Variants in PRPF18 observed in about 807,000 individuals in gnomAD.
The protein encoded by PRPF18 is pre-mRNA processing factor 18.
PRPF18 carries 38 observed loss-of-function variants against 46.5 expected under a neutral mutation model. That is an observed-to-expected ratio of 0.82 (90% CI 0.63 to 1.07). The LOEUF (loss-of-function observed/expected upper bound fraction) is 1.07, where lower values mean the gene tolerates loss of function less well. PRPF18 is among the 50% of genes least tolerant of loss of function. The probability of loss-of-function intolerance (pLI) is 0.00; values close to 1 mark genes in which losing one functional copy is unlikely to be tolerated. For missense variants in PRPF18, 263 were observed against 410.0 expected, an observed-to-expected ratio of 0.64 and a Z score of 3.10; for synonymous variants, 152 against 146.7, an observed-to-expected ratio of 1.04 and a Z score of -0.26.
chr10:13,634,043 G>C (rs1333030499), downstream of PRPF18, among the ~76,000 whole-genome samples: 1 of 152,192 alleles, frequency 6.6e-6, no homozygotes, highest in African/African-American at 2.4e-5. Context: ...ATTTCTGGTG[G>C]TGTGGAATAG....
intron 9 of PRPF18, among the ~76,000 whole-genome samples, chr10:13,620,043 C>T (rs2080400666): frequency 6.6e-6 from 1 of 151,976 alleles, no homozygotes; most frequent in Non-Finnish European, 1.5e-5. Flanking sequence ...ATTTACTAAG[C>T]TGTCTAAAGA....
At chr10:13,633,015 T>C (rs1008401673), downstream of PRPF18, among the ~76,000 whole-genome samples, 1 of 152,084 alleles carries the variant, frequency 6.6e-6, no homozygotes, top group African/African-American at 2.4e-5. Flanking sequence ...TTCCTAGGAG[T>C]GTCATTGCCA....
At chr10:13,647,084 G>T in the PRPF18 span, 5,374 of 367,836 alleles carry the variant, frequency 0.015, 220 homozygotes, top group African/African-American at 0.09. Flanking sequence ...AGTGGAGGAG[G>T]ATGGGTTCAG....
At chr10:13,633,574 C>T (rs529800842), downstream of PRPF18, among the ~76,000 whole-genome samples, 11 of 152,260 alleles carry the variant, frequency 7.2e-5, no homozygotes, top group South Asian at 6.2e-4. Context: ...TTTGTACCCC[C>T]GCCTACCCTG....
rs977470225 is a variant in PRPF18, at chr10:13,598,990, C to T, written c.145-1254C>T. 9.9e-5 allele frequency among the ~76,000 whole-genome samples: 15 copies of T among 152,250 alleles called. No individual in the cohort carries two copies. The East Asian group carries it at 2.1e-3, about 22-fold the overall frequency. On this transcript the variant is annotated intron_variant, in intron 2 of 9. Transcript: ENST00000378572. The stretch of plus-strand genomic sequence containing the variant: ...CTGTAAAGATAATTGTTGATAACTT[C>T]GAGTCCAGCTCATGAAATGACTTAG...
intron 4 of PRPF18, among the ~76,000 whole-genome samples, chr10:13,609,603 C>T (rs1298816233): frequency 2.0e-5 from 3 of 152,180 alleles, no homozygotes; most frequent in South Asian, 4.1e-4. Flanking sequence ...ATAGATGAGG[C>T]ACCAATTTTA....
chr10:13,647,733 T>G, the PRPF18 span: 1 of 22,368 alleles, frequency 4.5e-5, no homozygotes, highest in Non-Finnish European at 1.0e-4. Flanking sequence ...AATAAAAGGC[T>G]TTTTTTTTTT....
chr10:13,617,300 C>T (rs1283215284), intron 9 of PRPF18, among the ~76,000 whole-genome samples: 3 of 152,122 alleles, frequency 2.0e-5, no homozygotes. Context: ...AGATTTTGTG[C>T]CAGAGAACAG....
intron 4 of PRPF18, among the ~76,000 whole-genome samples, chr10:13,609,816 ATTGT>A (rs1277078966): frequency 6.6e-6 from 1 of 152,186 alleles, no homozygotes; most frequent in African/African-American, 2.4e-5. Flanking sequence ...CAGACTGGCC[ATTGT>A]TTGTGCATTG....
At chr10:13,605,035 A>G (rs2080164191) in intron 3 of PRPF18, among the ~76,000 whole-genome samples, 1 of 152,248 alleles carries the variant, frequency 6.6e-6, no homozygotes, top group African/African-American at 2.4e-5. Context: ...AGGTCAGACC[A>G]CTTTCTAGGA....
At chr10:13,653,867 C>T in the PRPF18 span, 3 of 159,390 alleles carry the variant, frequency 1.9e-5, no homozygotes, top group Non-Finnish European at 4.1e-5. Flanking sequence ...AGCTGCCTTT[C>T]GGTTTCATTA....
intron 5 of PRPF18, among the ~76,000 whole-genome samples, chr10:13,611,264 A>G (rs2080265455): frequency 6.6e-6 from 1 of 150,542 alleles, no homozygotes; most frequent in African/African-American, 2.5e-5. Flanking sequence ...ATATTGACAT[A>G]CCATACAGTT....
At chr10:13,601,620 C>T (rs982596943) in intron 3 of PRPF18, among the ~76,000 whole-genome samples, 4 of 152,242 alleles carry the variant, frequency 2.6e-5, no homozygotes, top group Admixed American at 6.5e-5. Flanking sequence ...AGTCTTTTCA[C>T]TTAAAAGTAC....
intron 9 of PRPF18, among the ~76,000 whole-genome samples, chr10:13,616,794 T>C (rs866154286): frequency 1.3e-5 from 2 of 151,596 alleles, no homozygotes; most frequent in East Asian, 3.9e-4. Flanking sequence ...ACCTTAGCAC[T>C]GAAATAAAAT....
At chr10:13,598,990 C>G (rs977470225) in intron 2 of PRPF18, among the ~76,000 whole-genome samples, 2 of 152,132 alleles carry the variant, frequency 1.3e-5, no homozygotes, top group African/African-American at 2.4e-5. Context: ...TTGATAACTT[C>G]GAGTCCAGCT....
intron 4 of PRPF18, 77 bp downstream of exon 4, chr10:13,605,821 T>C (rs2080175789): frequency 6.9e-7 from 1 of 1,458,366 alleles, no homozygotes; most frequent in Non-Finnish European, 9.1e-7. Context: ...ATTGCATTAT[T>C]GTAGGCAACA....
rs549577042 is a variant in PRPF18 at position 13,608,989 on chromosome 10, C to G, written c.364-1050C>G. On this transcript the variant is annotated intron_variant, in intron 4 of 9. Coordinates refer to ENST00000378572, the MANE Select transcript of PRPF18 (RefSeq NM_003675.4). ...TGAGGTGACCTCTGGGAATGCCTGG[C>G]GTCATACTTTTTACACAGCAGGTGA... 7.9e-4 allele frequency among the ~76,000 whole-genome samples: 121 copies of G among 152,246 alleles called. No homozygotes were observed. In the South Asian group the frequency reaches 0.013, roughly 17 times the overall value.
the PRPF18 span, chr10:13,652,048 A>G: frequency 1.2e-6 from 1 of 825,578 alleles, no homozygotes; most frequent in Non-Finnish European, 2.2e-6. Context: ...AGACACAGAC[A>G]CGATTAGTAG....
chr10:13,611,723 C>T, intron 6 of PRPF18, 40 bp downstream of exon 6: 1 of 1,551,910 alleles, frequency 6.4e-7, no homozygotes, highest in East Asian at 2.2e-5. Flanking sequence ...GCCTTGGATC[C>T]TTATGAACTA....
Sources: allele counts gnomAD v4.1 joint callset (sites outside exome capture counted in the v4.1 genomes callset), GRCh38; gene constraint gnomAD v4.1.1; transcripts MANE v1.5; gene names NCBI Gene and HGNC (gene_info 2026-07-23, HGNC 2026-07-21).